CD109: variants seen among roughly 807,000 people sequenced by gnomAD.
CD109 encodes CD109 antigen.
In CD109, 149 loss-of-function variants were observed where a neutral mutation model predicts 165.8. That is an observed-to-expected ratio of 0.90 (90% CI 0.79 to 1.03). The LOEUF is 1.03. Ranked by LOEUF, CD109 falls within the 50% of genes least tolerant of loss-of-function variation. The probability of loss-of-function intolerance (pLI) is 0.00; values close to 1 mark genes in which losing one functional copy is unlikely to be tolerated. For missense variants in CD109, 1,712 were observed against 1,677.8 expected (o/e 1.02, Z -0.36); for synonymous variants, 585 against 592.1 (o/e 0.99, Z 0.18).
chr6:73,691,967 A>T (rs931005033), upstream of CD109, among the ~76,000 whole-genome samples: 1 of 152,300 alleles, frequency 6.6e-6, no homozygotes, highest in South Asian at 2.1e-4. Context: ...CAACTTTAAC[A>T]TTGCCAAAGT....
chr6:73,735,392 G>A (rs1772505528), intron 4 of CD109, among the ~76,000 whole-genome samples: 1 of 152,178 alleles, frequency 6.6e-6, no homozygotes, highest in Admixed American at 6.5e-5. Context: ...TTGGCAGTGG[G>A]GAAGATGTAT....
chr6:73,762,648 G>C (rs894675839), intron 8 of CD109, 93 bp from the exon 9 acceptor site: 10 of 1,057,094 alleles, frequency 9.5e-6, no homozygotes, highest in Non-Finnish European at 1.4e-5. Flanking sequence ...AATGGTACCA[G>C]AGCTATCATA....
intron 21 of CD109, among the ~76,000 whole-genome samples, chr6:73,787,858 C>T (rs1774755921): frequency 6.6e-6 from 1 of 152,050 alleles, no homozygotes; most frequent in Admixed American, 6.6e-5. Flanking sequence ...AGTGGATAAA[C>T]ACTTGTATTC....
At chr6:73,810,722 T>C (rs79121067) in intron 27 of CD109, among the ~76,000 whole-genome samples, 3,612 of 152,154 alleles carry the variant, frequency 0.024, 164 homozygotes, top group African/African-American at 0.082. Context: ...GCAATGGAAA[T>C]GCAAATCAAA....
Position 73,727,183 on chromosome 6 carries a change from ATCTTT to A in CD109, c.277-3156_277-3152del, listed in dbSNP as rs1772171058. 1.3e-5 allele frequency among the ~76,000 whole-genome samples: 2 copies of A among 152,180 alleles called. 1 individual carries two copies. The highest frequency in any genetic ancestry group is 4.1e-4 in the South Asian group (2 of 4,828). On this transcript the variant is annotated intron_variant, in intron 3 of 32. Transcript: ENST00000287097. ...TTATAAAAATTGCTTAAAGTCAATA[ATCTTT>A]TCTTCAGTCTCATTATGCGCCCCCA...
chr6:73,745,853 C>T (rs572124592), intron 5 of CD109, among the ~76,000 whole-genome samples: 16 of 152,146 alleles, frequency 1.1e-4, no homozygotes, highest in South Asian at 2.1e-4. Context: ...CTCAGCCTCC[C>T]GAGTAACTGG....
the CD109 span, among the ~76,000 whole-genome samples, chr6:73,688,695 A>ATTATTTC: frequency 6.7e-6 from 1 of 150,146 alleles, no homozygotes; most frequent in Non-Finnish European, 1.5e-5. Flanking sequence ...GGCATTAATA[A>ATTATTTC]TTATTTCTAC....
Position 73,825,035 on chromosome 6 carries a change from A to C in CD109, c.*1402A>C, listed in dbSNP as rs912176839. ...TTTTTAGCTATTTAAAAATAAATCCATCAAAAATAAAGTATGCAAATGTAT... is the reference window on the plus strand; with the variant it reads ...TTTTTAGCTATTTAAAAATAAATCCCTCAAAAATAAAGTATGCAAATGTAT... On this transcript the variant is annotated 3_prime_UTR_variant, in exon 33 of 33. Coordinates refer to ENST00000287097, the MANE Select transcript of CD109 (RefSeq NM_133493.5). 5 of 152,212 alleles carry C rather than the reference A, an allele frequency of 3.3e-5. No homozygotes were observed. The highest frequency in any genetic ancestry group is 1.2e-4 in the African/African-American group (5 of 41,454). 9.4% of individuals were successfully genotyped at this position (152,212 alleles called of 1,614,324 possible). A position where few individuals can be genotyped will look rare whatever the true frequency, so the allele number is the denominator to read the frequency against.
rs1465067189 is a variant in CD109, at chr6:73,763,598, T to C, written c.1020T>C (p.Thr340=). ...AAGGTATTTCAAGAAATGTAAGCACTAATGTGTTCTTCAAGCAACATGATT... is the reference window on the plus strand; with the variant it reads ...AAGGTATTTCAAGAAATGTAAGCACCAATGTGTTCTTCAAGCAACATGATT... The part of the protein sequence containing the change: ...SVTGISRNVS[T]NVFFKQHDYI... The change falls in exon 10 of 33, where the codon ACT becomes ACC. Residue 340 remains threonine (T), a synonymous_variant. Coordinates refer to ENST00000287097, the MANE Select transcript of CD109 (RefSeq NM_133493.5). 1.0e-5 allele frequency: 16 copies of C among 1,586,510 alleles called. No individual in the cohort carries two copies. Among genetic ancestry groups the C allele is most frequent in the Admixed American group, 1.7e-5 (1 of 57,868 alleles).
At chr6:73,693,677 A>G (rs1392482285), upstream of CD109, among the ~76,000 whole-genome samples, 5 of 152,022 alleles carry the variant, frequency 3.3e-5, no homozygotes, top group Non-Finnish European at 7.4e-5. Context: ...CAGCCTCCTG[A>G]GTAGCTTTTA....
At chr6:73,744,030 T>C (rs1157285218) in intron 5 of CD109, among the ~76,000 whole-genome samples, 1 of 152,218 alleles carries the variant, frequency 6.6e-6, no homozygotes. Flanking sequence ...GTTATTTTCG[T>C]TTTTTAAAAA....
intron 1 of CD109, 121 bp from the exon 2 acceptor site, chr6:73,697,279 C>CG: frequency 1.3e-6 from 1 of 775,902 alleles, no homozygotes; most frequent in South Asian, 1.8e-5. Context: ...GCAATGTTAA[C>CG]GGAAACAACT....
At chr6:73,784,060 T>C (rs1774601815) in intron 19 of CD109, among the ~76,000 whole-genome samples, 1 of 152,172 alleles carries the variant, frequency 6.6e-6, no homozygotes, top group African/African-American at 2.4e-5. Context: ...AAGTTTATTA[T>C]TGACCTGAAC....
In CD109 at chr6:73,823,562, T is replaced by C. The variant is rs370056478; in HGVS notation, c.4267T>C (p.Ser1423Pro). The change falls in exon 33 of 33, where the codon TCC (serine) becomes CCC (proline). Residue 1423 changes from serine to proline, a missense_variant. Coordinates refer to ENST00000287097, the MANE Select transcript of CD109 (RefSeq NM_133493.5). ...CRPCEDGASG[S>P]HHHSSVIFIF... ...TCCTTGTGAGGATGGAGCTTCAGGC[T>C]CCCATCATCACTCTTCAGTCATTTT... 1 of 1,613,860 alleles carries C rather than the reference T, an allele frequency of 6.2e-7. No homozygotes were observed. Among genetic ancestry groups the C allele is most frequent in the African/African-American group, 1.3e-5 (1 of 75,032 alleles).
intron 15 of CD109, among the ~76,000 whole-genome samples, chr6:73,775,585 T>C (rs942891690): frequency 2.0e-5 from 3 of 152,170 alleles, no homozygotes; most frequent in Non-Finnish European, 4.4e-5. Flanking sequence ...CCTTGTGTCA[T>C]AGGGGTTTGT....
intron 23 of CD109, among the ~76,000 whole-genome samples, chr6:73,794,079 A>G (rs1273925559): frequency 6.6e-6 from 1 of 152,174 alleles, no homozygotes; most frequent in Non-Finnish European, 1.5e-5. Flanking sequence ...TTGTGTAGAG[A>G]CCTTTTTATT....
intron 5 of CD109, among the ~76,000 whole-genome samples, chr6:73,745,221 C>T (rs1361017100): frequency 6.6e-6 from 1 of 152,148 alleles, no homozygotes; most frequent in East Asian, 1.9e-4. Context: ...CCTGCCTTAG[C>T]CTCCTGAGTA....
At chr6:73,682,720 A>G in the CD109 span, among the ~76,000 whole-genome samples, 1 of 152,238 alleles carries the variant, frequency 6.6e-6, no homozygotes. Flanking sequence ...CACTACCCCT[A>G]CAGCAAACTT....
chr6:73,707,630 T>G (rs909831302), intron 2 of CD109, among the ~76,000 whole-genome samples: 2 of 152,114 alleles, frequency 1.3e-5, no homozygotes. Flanking sequence ...AAGAGCTGTA[T>G]CATCCAATAT....
Sources: gnomAD v4.1 joint callset for allele counts (sites outside exome capture counted in the v4.1 genomes callset) on GRCh38, gnomAD v4.1.1 for gene constraint, MANE v1.5 for transcripts, NCBI Gene and HGNC (gene_info 2026-07-23, HGNC 2026-07-21) for gene names.